RMDN2: variants seen among roughly 807,000 people sequenced by gnomAD.
RMDN2 encodes the protein regulator of microtubule dynamics protein 2.
In RMDN2, 61 loss-of-function variants were observed where a neutral mutation model predicts 52.8. The observed-to-expected ratio is 1.16, with a 90% CI of 0.94 to 1.43. RMDN2 has a LOEUF of 1.43. Among genes scored for constraint, RMDN2 ranks in the 40% most tolerant of loss-of-function variants. The probability of loss-of-function intolerance (pLI) is 0.00; values close to 1 mark genes in which losing one functional copy is unlikely to be tolerated. For synonymous variants in RMDN2, 180 were observed against 153.1 expected (o/e 1.18, Z -1.30); for missense variants, 592 against 475.3 (o/e 1.25, Z -2.28).
chr2:38,057,926 G>A (rs954733302), intron 10 of RMDN2, among the ~76,000 whole-genome samples: 5 of 152,268 alleles, frequency 3.3e-5, no homozygotes, highest in Middle Eastern at 3.4e-3. Flanking sequence ...CTGCAGAACC[G>A]TGAACCAATT....
intron 10 of RMDN2, among the ~76,000 whole-genome samples, chr2:38,008,226 T>C (rs1439056929): frequency 6.6e-6 from 1 of 152,234 alleles, no homozygotes; most frequent in African/African-American, 2.4e-5. Context: ...TTAGGTCCGC[T>C]TGGTGCAGAG....
intron 10 of RMDN2, among the ~76,000 whole-genome samples, chr2:38,025,701 T>A (rs1679732480): frequency 6.6e-6 from 1 of 152,074 alleles, no homozygotes; most frequent in East Asian, 1.9e-4. Flanking sequence ...TTTGTCACAC[T>A]TGTGTTCATT....
chr2:38,036,998 C>T (rs1414171404), intron 10 of RMDN2, among the ~76,000 whole-genome samples: 1 of 152,128 alleles, frequency 6.6e-6, no homozygotes, highest in Non-Finnish European at 1.5e-5. Flanking sequence ...GGAAAATGTG[C>T]TGCTTTGTCA....
chr2:37,967,282 T>G (rs1572854446), intron 2 of RMDN2, among the ~76,000 whole-genome samples: 2 of 152,344 alleles, frequency 1.3e-5, no homozygotes, highest in Non-Finnish European at 2.9e-5. Context: ...ATTGAATGGG[T>G]GCTAAAACTG....
chr2:38,026,578 T>C (rs75081688), intron 10 of RMDN2, among the ~76,000 whole-genome samples: 13,160 of 152,184 alleles, frequency 0.086, 678 homozygotes, highest in African/African-American at 0.13. Context: ...AAGTCATTGA[T>C]ATAAGACTTT....
At chr2:38,030,194 C>CT (rs1680087674) in intron 10 of RMDN2, 1 of 152,210 alleles carries the variant, frequency 6.6e-6, no homozygotes, top group Non-Finnish European at 1.5e-5. Flanking sequence ...TCATGATACT[C>CT]TTTTTACTCC....
At chr2:38,031,256 CT>C (rs552306141) in intron 10 of RMDN2, among the ~76,000 whole-genome samples, 2,169 of 105,908 alleles carry the variant, frequency 0.02, 14 homozygotes, top group African/African-American at 0.072. Context: ...CTTTGTTTCC[CT>C]TTTTTTTTTT....
chr2:37,997,050 G>A (rs568525667), intron 7 of RMDN2, among the ~76,000 whole-genome samples: 9 of 152,210 alleles, frequency 5.9e-5, no homozygotes, highest in African/African-American at 1.9e-4. Context: ...ATACACCGTA[G>A]TTACCTCAGA....
At chr2:38,001,097 A>G (rs1175331058) in intron 8 of RMDN2, among the ~76,000 whole-genome samples, 1 of 152,214 alleles carries the variant, frequency 6.6e-6, no homozygotes, top group Non-Finnish European at 1.5e-5. Flanking sequence ...CCCCAGCTGC[A>G]GAACTCTTGG....
intron 10 of RMDN2, among the ~76,000 whole-genome samples, chr2:38,059,823 C>T (rs190036403): frequency 1.3e-5 from 2 of 152,210 alleles, no homozygotes; most frequent in African/African-American, 4.8e-5. Flanking sequence ...TAAGCCCTGG[C>T]GGGGCACTGA....
chr2:38,003,818 C>T (rs1320654361), intron 8 of RMDN2, among the ~76,000 whole-genome samples, 173 bp from the exon 9 acceptor site: 1 of 152,122 alleles, frequency 6.6e-6, no homozygotes, highest in African/African-American at 2.4e-5. Context: ...GCTATGTTTC[C>T]ACCCAAAAGA....
intron 10 of RMDN2, among the ~76,000 whole-genome samples, chr2:38,014,727 G>A (rs1678502415): frequency 6.6e-6 from 1 of 152,200 alleles, no homozygotes; most frequent in Non-Finnish European, 1.5e-5. Context: ...GTGTTTGGGT[G>A]AAAGAGAGAG....
downstream of RMDN2, among the ~76,000 whole-genome samples, chr2:38,021,267 C>G (rs565258801): frequency 4.1e-4 from 63 of 152,302 alleles, no homozygotes; most frequent in Non-Finnish European, 7.6e-4. Flanking sequence ...GACCAATCAG[C>G]TCTCTGTAAA....
intron 5 of RMDN2, among the ~76,000 whole-genome samples, chr2:37,985,714 A>C (rs1210896709): frequency 6.6e-6 from 1 of 152,186 alleles, no homozygotes; most frequent in Non-Finnish European, 1.5e-5. Context: ...TATATGATGG[A>C]TCACAACAGT....
At chr2:38,046,252 A>G (rs1315197101) in intron 10 of RMDN2, among the ~76,000 whole-genome samples, 3 of 152,196 alleles carry the variant, frequency 2.0e-5, no homozygotes, top group Non-Finnish European at 4.4e-5. Context: ...TCAAAGATTC[A>G]TTACCAAAGG....
At chr2:38,001,790 A>G (rs1676356659) in intron 8 of RMDN2, among the ~76,000 whole-genome samples, 1 of 152,234 alleles carries the variant, frequency 6.6e-6, no homozygotes, top group African/African-American at 2.4e-5. Flanking sequence ...TGAAATGGAA[A>G]TGATTAGACA....
intron 2 of RMDN2, among the ~76,000 whole-genome samples, chr2:37,942,483 T>C (rs1467233612): frequency 6.6e-6 from 1 of 151,978 alleles, no homozygotes; most frequent in Non-Finnish European, 1.5e-5. Context: ...AGATTAACTA[T>C]ATTATTATTA....
intron 1 of RMDN2, among the ~76,000 whole-genome samples, chr2:37,928,041 A>AATCTTTGG (rs1666426877): frequency 6.6e-6 from 1 of 152,206 alleles, no homozygotes; most frequent in South Asian, 2.1e-4. Flanking sequence ...CTTTCTCTGG[A>AATCTTTGG]ATCTTTGGTT....
At chr2:38,027,764 A>G (rs1252267110) in intron 10 of RMDN2, among the ~76,000 whole-genome samples, 1 of 152,240 alleles carries the variant, frequency 6.6e-6, no homozygotes, top group Non-Finnish European at 1.5e-5. Context: ...CACCTAATTT[A>G]AAATTGGGAA....
Sources: gnomAD v4.1 joint callset for allele counts (sites outside exome capture counted in the v4.1 genomes callset) on GRCh38, gnomAD v4.1.1 for gene constraint, MANE v1.5 for transcripts, NCBI Gene and HGNC (gene_info 2026-07-23, HGNC 2026-07-21) for gene names.